The following KLF12 variants were observed in gnomAD, a reference collection of about 807,000 sequenced individuals.
KLF12 encodes the protein Krueppel-like factor 12.
A neutral mutation model predicts 37.8 loss-of-function variants in KLF12; 9 were observed. The observed-to-expected ratio is 0.24, with a 90% CI of 0.14 to 0.42. KLF12 has a LOEUF of 0.42. Ranked by LOEUF, KLF12 falls within the 10% of genes least tolerant of loss-of-function variation. The pLI is 1.00. For missense variants in KLF12, 411 were observed against 516.0 expected (o/e 0.80, Z 1.97); for synonymous variants, 208 against 202.1 (o/e 1.03, Z -0.25).
At chr13:73,784,631 CTTTT>C (rs555038538) in intron 5 of KLF12, among the ~76,000 whole-genome samples, 1 of 136,828 alleles carries the variant, frequency 7.3e-6, no homozygotes, top group Non-Finnish European at 1.6e-5. Context: ...TCCTCATCTC[CTTTT>C]TTTTTTTTTT....
chr13:73,944,101 G>T (rs1388235689), intron 2 of KLF12, 31 bp from the exon 3 acceptor site: 2 of 1,390,818 alleles, frequency 1.4e-6, no homozygotes, highest in South Asian at 1.2e-5. Flanking sequence ...GAAAGATTCA[G>T]CTCTAAAGCA....
At chr13:73,712,378 A>C (rs1425054935) in intron 7 of KLF12, among the ~76,000 whole-genome samples, 2 of 149,452 alleles carry the variant, frequency 1.3e-5, no homozygotes, top group African/African-American at 5.0e-5. Flanking sequence ...AAGTGGACTC[A>C]AGATGTGACT....
chr13:73,735,760 T>C (rs1262256561), intron 6 of KLF12, among the ~76,000 whole-genome samples: 3 of 152,200 alleles, frequency 2.0e-5, no homozygotes. Flanking sequence ...GTAAGTATTA[T>C]GTATTTAATC....
rs564517994 is a variant in KLF12 at position 73,766,065 on chromosome 13, A to G, written c.807-1065T>C. The stretch of plus-strand genomic sequence containing the variant: ...AACCCAGAGCCAGACTGCACTTTGC[A>G]CTCGGAAGGCTTATTTCTTCCAACA... On this transcript the variant is annotated intron_variant, in intron 5 of 7. Transcript: ENST00000377669. 2.0e-5 allele frequency among the ~76,000 whole-genome samples: 3 copies of G among 152,282 alleles called. No individual in the cohort carries two copies. In the East Asian group the frequency reaches 5.8e-4, roughly 29 times the overall value.
chr13:73,927,240 T>C (rs1181058560), intron 3 of KLF12, among the ~76,000 whole-genome samples: 3 of 152,196 alleles, frequency 2.0e-5, no homozygotes, highest in Admixed American at 6.5e-5. Context: ...CAGCTAAAAG[T>C]GGGAGAGCCC....
At chr13:73,757,509 T>C (rs536689327) in intron 6 of KLF12, among the ~76,000 whole-genome samples, 2 of 152,260 alleles carry the variant, frequency 1.3e-5, no homozygotes, top group African/African-American at 4.8e-5. Context: ...AAAAATTATA[T>C]TGAGGTAAGA....
intron 3 of KLF12, among the ~76,000 whole-genome samples, chr13:73,862,166 G>C (rs1885963381): frequency 6.6e-6 from 1 of 151,466 alleles, no homozygotes; most frequent in African/African-American, 2.4e-5. Flanking sequence ...TTTCCAGTAA[G>C]GATTCCAGAC....
chr13:74,204,740 A>T, the KLF12 span, among the ~76,000 whole-genome samples: 1 of 151,984 alleles, frequency 6.6e-6, no homozygotes, highest in Non-Finnish European at 1.5e-5. Flanking sequence ...TGATTCAGAG[A>T]CCTCAGTTTC....
At chr13:73,871,749 C>A (rs186888629) in intron 3 of KLF12, among the ~76,000 whole-genome samples, 35 of 152,282 alleles carry the variant, frequency 2.3e-4, no homozygotes, top group African/African-American at 8.4e-4. Flanking sequence ...ATGACGCATC[C>A]TGATGCTCAC....
At chr13:74,265,675 A>C in the KLF12 span, among the ~76,000 whole-genome samples, 3 of 152,330 alleles carry the variant, frequency 2.0e-5, no homozygotes, top group South Asian at 6.2e-4. Flanking sequence ...CACTGTAGGC[A>C]TAGTGGGACC....
the KLF12 span, among the ~76,000 whole-genome samples, chr13:74,269,082 T>C: frequency 1.3e-5 from 2 of 152,186 alleles, no homozygotes; most frequent in East Asian, 1.9e-4. Context: ...GTGACTTTAG[T>C]CATATACAGC....
chr13:73,814,907 A>G (rs989947838), intron 4 of KLF12, among the ~76,000 whole-genome samples: 2 of 152,134 alleles, frequency 1.3e-5, no homozygotes, highest in African/African-American at 4.8e-5. Context: ...GAACTGATCT[A>G]GGGATTTAAG....
chr13:73,888,245 C>G (rs1034973738), intron 3 of KLF12, among the ~76,000 whole-genome samples: 4 of 152,160 alleles, frequency 2.6e-5, no homozygotes, highest in African/African-American at 9.7e-5. Flanking sequence ...CTCAAGTGAT[C>G]TGCCTGCCCT....
chr13:73,810,055 G>A (rs1406887470), intron 5 of KLF12, among the ~76,000 whole-genome samples: 3 of 152,110 alleles, frequency 2.0e-5, no homozygotes, highest in African/African-American at 7.2e-5. Context: ...AGACCAACTG[G>A]CCAACATGGT....
chr13:73,806,115 T>TC (rs1882606750), intron 5 of KLF12, among the ~76,000 whole-genome samples: 1 of 100,260 alleles, frequency 1.0e-5, no homozygotes, highest in Non-Finnish European at 2.2e-5. Context: ...TTTTTTTCTT[T>TC]CTTTTTTTTT....
chr13:74,176,426 T>C, the KLF12 span, among the ~76,000 whole-genome samples: 2 of 152,192 alleles, frequency 1.3e-5, no homozygotes, highest in Non-Finnish European at 1.5e-5. Flanking sequence ...CTTTGGCAAA[T>C]GCGCAACATT....
chr13:74,009,305 G>T (rs1324920), intron 1 of KLF12, among the ~76,000 whole-genome samples: 4 of 152,150 alleles, frequency 2.6e-5, no homozygotes, highest in African/African-American at 9.7e-5. Context: ...TCATAAATCA[G>T]GTTATGTGTC....
At chr13:74,299,711 G>A in the KLF12 span, among the ~76,000 whole-genome samples, 18 of 152,154 alleles carry the variant, frequency 1.2e-4, no homozygotes, top group Non-Finnish European at 1.9e-4. Flanking sequence ...GCATGCCAGG[G>A]AGTGAATTTA....
At chr13:74,220,926 AT>A in the KLF12 span, among the ~76,000 whole-genome samples, 1 of 151,678 alleles carries the variant, frequency 6.6e-6, no homozygotes. Flanking sequence ...TTTCATCTCA[AT>A]TTTTCAGTTG....
Sources: allele counts gnomAD v4.1 joint callset (sites outside exome capture counted in the v4.1 genomes callset), GRCh38; gene constraint gnomAD v4.1.1; transcripts MANE v1.5; gene names NCBI Gene and HGNC (gene_info 2026-07-23, HGNC 2026-07-21).